The following SOCS7 variants were observed in gnomAD, a reference collection of about 807,000 sequenced individuals.
SOCS7 encodes the protein suppressor of cytokine signaling 7.
A neutral mutation model predicts 58.9 loss-of-function variants in SOCS7; 18 were observed. The observed-to-expected ratio is 0.31, with a 90% CI of 0.21 to 0.45. The LOEUF (loss-of-function observed/expected upper bound fraction) is 0.45. Ranked by LOEUF, SOCS7 falls within the 20% of genes least tolerant of loss-of-function variation. SOCS7 has a pLI of 1.00. For missense variants in SOCS7, 667 were observed against 837.3 expected (o/e 0.80, Z 2.51); for synonymous variants, 388 against 364.3 (o/e 1.06, Z -0.74).
At chr17:38,390,602 C>A (rs1241424997) in intron 7 of SOCS7, among the ~76,000 whole-genome samples, 1 of 151,556 alleles carries the variant, frequency 6.6e-6, no homozygotes, top group Non-Finnish European at 1.5e-5. Flanking sequence ...TTTTTAAAAA[C>A]TCTTTGAACA....
chr17:38,393,270 G>A (rs2038199883), intron 7 of SOCS7, among the ~76,000 whole-genome samples: 1 of 152,080 alleles, frequency 6.6e-6, no homozygotes, highest in South Asian at 2.1e-4. Context: ...TGTTGTCAGT[G>A]ATCATGGAAA....
intron 7 of SOCS7, among the ~76,000 whole-genome samples, chr17:38,380,678 G>A (rs2037990159): frequency 2.0e-5 from 3 of 151,568 alleles, no homozygotes; most frequent in Non-Finnish European, 2.9e-5. Context: ...GTCCAACATG[G>A]TGAAACCACA....
At chr17:38,364,294 TC>T (rs112288088) in intron 2 of SOCS7, among the ~76,000 whole-genome samples, 2,143 of 152,382 alleles carry the variant, frequency 0.014, 53 homozygotes, top group African/African-American at 0.048. Context: ...GGGAACTTTA[TC>T]TGCATTCAGC....
At chr17:38,356,513 C>T (rs2037640251) in intron 1 of SOCS7, among the ~76,000 whole-genome samples, 2 of 151,896 alleles carry the variant, frequency 1.3e-5, no homozygotes, top group African/African-American at 4.8e-5. Flanking sequence ...TACAGGTACA[C>T]GCCACCACGC....
rs2038306950 is a variant in SOCS7 at position 38,400,681 on chromosome 17, C to T, written c.*1199C>T. On this transcript the variant is annotated 3_prime_UTR_variant, in exon 10 of 10. Coordinates refer to ENST00000612932, the MANE Select transcript of SOCS7 (RefSeq NM_014598.4). ...AAGGGCTTCTGTATTTTCTTGTGTT[C>T]ATTCTAGCAACCCAGACATTTCCGG... is the stretch of plus-strand genomic sequence containing the variant. 1 of 152,162 alleles carries T rather than the reference C, an allele frequency of 6.6e-6. No individual in the cohort carries two copies. Among genetic ancestry groups the T allele is most frequent in the African/African-American group, 2.4e-5 (1 of 41,434 alleles). 9.4% of individuals were successfully genotyped at this position (152,162 alleles called of 1,614,324 possible).
At position 38,405,373 on chromosome 17, in the gene SOCS7, A is replaced by G. The variant is rs1402104025; in HGVS notation, c.*5891A>G. 1 of 152,026 alleles carries G rather than the reference A, an allele frequency of 6.6e-6. No homozygotes were observed. Among genetic ancestry groups the G allele is most frequent in the Non-Finnish European group, 1.5e-5 (1 of 68,036 alleles). The allele number at this position is 152,026 out of a possible 1,614,324, so 9.4% of individuals were successfully genotyped here. A position where few individuals can be genotyped will look rare whatever the true frequency, so the allele number is the denominator to read the frequency against. On this transcript the variant is annotated 3_prime_UTR_variant, in exon 10 of 10. Transcript: ENST00000612932. ...TAGTTCCAGAATGGGGTGTCTGTAT[A>G]TACTGTATTAATAGGCATGTTTGAC...
intron 7 of SOCS7, among the ~76,000 whole-genome samples, chr17:38,380,042 G>A (rs887091822): frequency 6.6e-6 from 1 of 152,096 alleles, no homozygotes; most frequent in Admixed American, 6.5e-5. Context: ...GGACAAGCCC[G>A]GGAAATCTCA....
In SOCS7 at chr17:38,351,946, T is replaced by C. The variant is rs1386495361; in HGVS notation, c.-107T>C. Among the ~76,000 whole-genome samples, 2 of 150,608 alleles carry C rather than the reference T, an allele frequency of 1.3e-5. No individual in the cohort carries two copies. The highest frequency in any genetic ancestry group is 1.3e-4 in the Admixed American group (2 of 15,172). On this transcript the variant is annotated 5_prime_UTR_variant, in exon 1 of 10. Coordinates refer to ENST00000612932, the MANE Select transcript of SOCS7 (RefSeq NM_014598.4). The stretch of plus-strand genomic sequence containing the variant: ...TATGAGGCAGAGGCCGCGGCGGCCG[T>C]TAGCGCTGTCGCTCCGGGGGCCGCG...
intron 6 of SOCS7, among the ~76,000 whole-genome samples, chr17:38,372,721 A>G (rs1267098541): frequency 2.0e-5 from 3 of 152,224 alleles, no homozygotes; most frequent in African/African-American, 7.2e-5. Context: ...ACATTACAAG[A>G]AAAATTGCTC....
intron 7 of SOCS7, among the ~76,000 whole-genome samples, chr17:38,388,817 T>C (rs1567750228): frequency 6.6e-6 from 1 of 152,234 alleles, no homozygotes; most frequent in Non-Finnish European, 1.5e-5. Flanking sequence ...TTGTAGCATC[T>C]GTCAGCACAG....
Position 38,395,463 on chromosome 17 carries a change from G to C in SOCS7, c.1817+19G>C. ...TGCCTAAGTACAATGGGGTTGTCAG[G>C]TTTGGGACAGGAATGAGTAAGGGGG... On this transcript the variant is annotated intron_variant, in intron 8 of 9. Coordinates refer to ENST00000612932, the MANE Select transcript of SOCS7 (RefSeq NM_014598.4). 6.2e-7 allele frequency: 1 copy of C among 1,609,698 alleles called. No individual in the cohort carries two copies. Among genetic ancestry groups the C allele is most frequent in the South Asian group, 1.1e-5 (1 of 90,948 alleles).
Position 38,352,687 on chromosome 17 carries a change from G to T in SOCS7, c.635G>T (p.Gly212Val). The T allele has an allele frequency of 6.5e-7, 1 of 1,549,916 alleles. No individual in the cohort carries two copies. Among genetic ancestry groups the T allele is most frequent in the Non-Finnish European group, 8.7e-7 (1 of 1,146,848 alleles). Reference sequence around the variant, plus strand: ...CCGGGTCGCGGAGGAGGAGGGGGCGGCCGGCTTCTGCTGCAGCCCCCAGGC... The same window carrying T: ...CCGGGTCGCGGAGGAGGAGGGGGCGTCCGGCTTCTGCTGCAGCCCCCAGGC... ...SSPGRGGGGG[G>V]RLLLQPPGPE... Residue 212 changes from glycine (G) to valine (V), a missense_variant, in exon 1 of 10, where the codon GGC (glycine) becomes GTC (valine). Physicochemically the swap from Gly to Val is moderately radical, Grantham distance 109 (BLOSUM62 -3). Around this residue, in one of 9 missense-constraint regions of SOCS7, gnomAD observed 208 missense variants for 190.3 expected, o/e 1.09. Transcript: ENST00000612932. The surrounding 1 kb of genome is among the most constrained non-coding windows in gnomAD (Gnocchi z 5.5).
intron 7 of SOCS7, among the ~76,000 whole-genome samples, chr17:38,381,488 G>A (rs1181640244): frequency 1.3e-5 from 2 of 152,148 alleles, no homozygotes; most frequent in Non-Finnish European, 2.9e-5. Flanking sequence ...CACCTACAAG[G>A]AGCCAGGTGT....
rs577750242 is a variant in SOCS7, at chr17:38,401,959, C to G, written c.*2477C>G. On this transcript the variant is annotated 3_prime_UTR_variant, in exon 10 of 10. Transcript: ENST00000612932. ...GCTCCTGCCCATTGCCAGGGCCTCA[C>G]TATGGTCAGCTCAGGCCATGTGAGG... 4.6e-5 allele frequency: 7 copies of G among 152,420 alleles called. No homozygotes were observed. The highest frequency in any genetic ancestry group is 1.7e-4 in the African/African-American group (7 of 41,576). The allele number at this position is 152,420 out of a possible 1,614,324, so 9.4% of individuals were successfully genotyped here.
intron 1 of SOCS7, among the ~76,000 whole-genome samples, chr17:38,355,516 G>T (rs1054522783): frequency 6.6e-6 from 1 of 152,150 alleles, no homozygotes; most frequent in Non-Finnish European, 1.5e-5. Flanking sequence ...TCCTAAGTCC[G>T]CAATAGTGGG....
intron 7 of SOCS7, among the ~76,000 whole-genome samples, chr17:38,387,123 A>ATGTATGTG (rs1414262368): frequency 9.5e-6 from 1 of 105,716 alleles, no homozygotes; most frequent in African/African-American, 4.7e-5. Flanking sequence ...ATATATATAT[A>ATGTATGTG]TATATGTATG....
At chr17:38,382,098 C>T (rs1300813558) in intron 7 of SOCS7, among the ~76,000 whole-genome samples, 1 of 151,550 alleles carries the variant, frequency 6.6e-6, no homozygotes, top group Non-Finnish European at 1.5e-5. Flanking sequence ...AGAGAATCTT[C>T]ATCTGTAAAG....
intron 7 of SOCS7, among the ~76,000 whole-genome samples, chr17:38,381,007 T>C (rs2037993814): frequency 6.6e-6 from 1 of 152,210 alleles, no homozygotes; most frequent in Admixed American, 6.5e-5. Flanking sequence ...AATTCAAACC[T>C]GGGCTTGACT....
At chr17:38,377,115 TTAAG>T (rs1377563016) in intron 6 of SOCS7, among the ~76,000 whole-genome samples, 10 of 152,218 alleles carry the variant, frequency 6.6e-5, no homozygotes, top group Admixed American at 3.3e-4. Flanking sequence ...ATTTCTGTCA[TTAAG>T]TAATGCATGA....
Sources: gnomAD v4.1 joint callset for allele counts (sites outside exome capture counted in the v4.1 genomes callset) on GRCh38, gnomAD v4.1.1 for gene constraint, gnomAD v4.1.1 regional missense constraint, Gnocchi (gnomAD v3.1) non-coding constraint, MANE v1.5 for transcripts, NCBI Gene and HGNC (gene_info 2026-07-23, HGNC 2026-07-21) for gene names.